Variants in NSMCE2 observed in about 807,000 individuals in gnomAD.
NSMCE2 encodes the protein E3 SUMO-protein ligase NSE2.
A neutral mutation model predicts 23.8 loss-of-function variants in NSMCE2; 24 were observed. The observed-to-expected ratio is 1.01, with a 90% CI of 0.73 to 1.42. The LOEUF is 1.42. Ranked by LOEUF, NSMCE2 falls within the 40% of genes most tolerant of loss-of-function variation. NSMCE2 has a pLI of 0.00. For missense variants in NSMCE2, 284 were observed against 296.5 expected (o/e 0.96, Z 0.31); for synonymous variants, 92 against 94.1 (o/e 0.98, Z 0.13).
chr8:125,093,836 G>A lies in NSMCE2; in HGVS notation c.-111+1878G>A, dbSNP rs114983233. 2.8e-3 allele frequency among the ~76,000 whole-genome samples: 430 copies of A among 152,238 alleles called. 2 individuals are homozygous for A. The highest frequency in any genetic ancestry group is 9.5e-3 in the African/African-American group (396 of 41,532). On this transcript the variant is annotated intron_variant, in intron 1 of 7. Transcript: ENST00000287437. Reference sequence around the variant, plus strand: ...TTGGTGACAGCGTCTCACTCTTATCGTCCAGGCTAGAATGCAGTAGCATGA... The same window carrying A: ...TTGGTGACAGCGTCTCACTCTTATCATCCAGGCTAGAATGCAGTAGCATGA...
At chr8:125,096,197 G>A (rs889834000) in intron 1 of NSMCE2, among the ~76,000 whole-genome samples, 1 of 152,160 alleles carries the variant, frequency 6.6e-6, no homozygotes, top group Non-Finnish European at 1.5e-5. Context: ...TGCAGATTAG[G>A]CCTGGAAATG....
intron 5 of NSMCE2, among the ~76,000 whole-genome samples, chr8:125,276,978 G>C (rs1827474827): frequency 6.6e-6 from 1 of 152,152 alleles, no homozygotes; most frequent in Non-Finnish European, 1.5e-5. Flanking sequence ...GGTGGCCTTG[G>C]TAATAACTTG....
At chr8:125,106,700 A>AG (rs1206078472) in intron 3 of NSMCE2, among the ~76,000 whole-genome samples, 1 of 150,798 alleles carries the variant, frequency 6.6e-6, no homozygotes, top group East Asian at 1.9e-4. Context: ...AAAAAAACAA[A>AG]CAACTTTCAT....
At chr8:125,096,634 C>CTTTTTTT (rs34656029) in intron 1 of NSMCE2, among the ~76,000 whole-genome samples, 8 of 80,444 alleles carry the variant, frequency 9.9e-5, no homozygotes, top group Admixed American at 3.7e-4. Context: ...GTGTGGAATC[C>CTTTTTTT]TTTTTTTTTT....
At chr8:125,129,356 A>G (rs1022677077) in intron 3 of NSMCE2, among the ~76,000 whole-genome samples, 3 of 130,192 alleles carry the variant, frequency 2.3e-5, no homozygotes, top group African/African-American at 8.0e-5. Flanking sequence ...ATACTTAAAC[A>G]TCTTTTTAAG....
intron 5 of NSMCE2, among the ~76,000 whole-genome samples, chr8:125,200,429 A>G (rs1823816907): frequency 6.6e-6 from 1 of 152,174 alleles, no homozygotes; most frequent in Non-Finnish European, 1.5e-5. Context: ...TCCTTCACTT[A>G]TGAAGCTTAG....
intron 5 of NSMCE2, among the ~76,000 whole-genome samples, chr8:125,284,795 A>T (rs973677650): frequency 6.6e-6 from 1 of 152,220 alleles, no homozygotes; most frequent in Non-Finnish European, 1.5e-5. Flanking sequence ...AAATAATACA[A>T]CCAAATGAAA....
intron 5 of NSMCE2, among the ~76,000 whole-genome samples, chr8:125,240,152 G>A (rs1490226242): frequency 2.0e-5 from 3 of 150,000 alleles, no homozygotes; most frequent in African/African-American, 7.4e-5. Context: ...TTGAGACGGA[G>A]TCTTGCTCTG....
At chr8:125,310,121 G>C (rs552641047) in intron 5 of NSMCE2, among the ~76,000 whole-genome samples, 1 of 152,338 alleles carries the variant, frequency 6.6e-6, no homozygotes, top group South Asian at 2.1e-4. Flanking sequence ...CTAATCGTTT[G>C]TGTAACTGGC....
At chr8:125,260,157 T>G (rs1359320259) in intron 5 of NSMCE2, among the ~76,000 whole-genome samples, 2 of 152,264 alleles carry the variant, frequency 1.3e-5, no homozygotes. Context: ...ACTCTTGGGA[T>G]TGGGTTTCAA....
In NSMCE2 at chr8:125,303,640, T is replaced by G. The variant is rs114157524; in HGVS notation, c.419-53579T>G. 8.8e-3 allele frequency among the ~76,000 whole-genome samples: 1,334 copies of G among 152,242 alleles called. 22 individuals are homozygous for G. Among genetic ancestry groups the G allele is most frequent in the African/African-American group, 0.03 (1,226 of 41,512 alleles). ...ACTTACAGTGCACTGTAAGTACTGT[T>G]AACTATATATTCCAATTGCTGTACA... On this transcript the variant is annotated intron_variant, in intron 5 of 7. Coordinates refer to ENST00000287437, the MANE Select transcript of NSMCE2 (RefSeq NM_173685.4).
Position 125,269,510 on chromosome 8 carries a change from C to G in NSMCE2, c.418+87254C>G, listed in dbSNP as rs559638001. ...TAAAATGACACTCCTCTGTATTCTG[C>G]TCACTGCTTGATCAATTTATTTCCT... is the stretch of plus-strand genomic sequence containing the variant. On this transcript the variant is annotated intron_variant, in intron 5 of 7. Transcript: ENST00000287437. Among the ~76,000 whole-genome samples, 7 of 152,264 alleles carry G rather than the reference C, an allele frequency of 4.6e-5. No individual in the cohort carries two copies. The South Asian group carries it at 1.5e-3, about 32-fold the overall frequency.
At chr8:125,191,299 G>T (rs1823332692) in intron 5 of NSMCE2, among the ~76,000 whole-genome samples, 1 of 152,102 alleles carries the variant, frequency 6.6e-6, no homozygotes, top group South Asian at 2.1e-4. Flanking sequence ...TCATACCCAG[G>T]TTTAGGTGAT....
At chr8:125,266,100 T>TC (rs1554628558) in intron 5 of NSMCE2, among the ~76,000 whole-genome samples, 2 of 150,640 alleles carry the variant, frequency 1.3e-5, no homozygotes, top group East Asian at 3.9e-4. Flanking sequence ...TTCTTTTTTT[T>TC]TTTTTTTTTG....
chr8:125,297,184 G>A (rs1186357432), intron 5 of NSMCE2, among the ~76,000 whole-genome samples: 2 of 152,090 alleles, frequency 1.3e-5, no homozygotes, highest in Admixed American at 1.3e-4. Context: ...TTTTAGTCAA[G>A]GTAAATGTCT....
chr8:125,349,726 C>A (rs893562231), intron 5 of NSMCE2, among the ~76,000 whole-genome samples: 29 of 152,148 alleles, frequency 1.9e-4, no homozygotes, highest in African/African-American at 7.0e-4. Context: ...AGACAAGTGA[C>A]TAATGCTAGG....
intron 5 of NSMCE2, among the ~76,000 whole-genome samples, chr8:125,185,221 G>A (rs1823037135): frequency 6.6e-6 from 1 of 152,182 alleles, no homozygotes; most frequent in Non-Finnish European, 1.5e-5. Context: ...TCTGCTGGCA[G>A]TGCACCAGCT....
At chr8:125,128,348 A>G (rs1341814427) in intron 3 of NSMCE2, among the ~76,000 whole-genome samples, 1 of 152,194 alleles carries the variant, frequency 6.6e-6, no homozygotes, top group Non-Finnish European at 1.5e-5. Context: ...GACTTGGACT[A>G]GAAAGGTGGT....
At chr8:125,238,570 A>AT (rs548034242) in intron 5 of NSMCE2, among the ~76,000 whole-genome samples, 14 of 151,992 alleles carry the variant, frequency 9.2e-5, no homozygotes, top group Admixed American at 2.0e-4. Flanking sequence ...ATTAAACAGC[A>AT]TTTTTTTTCC....
Sources: gnomAD v4.1 joint callset for allele counts (sites outside exome capture counted in the v4.1 genomes callset) on GRCh38, gnomAD v4.1.1 for gene constraint, MANE v1.5 for transcripts, NCBI Gene and HGNC (gene_info 2026-07-23, HGNC 2026-07-21) for gene names.